Variants in CLSPN observed in about 807,000 individuals in gnomAD.
The protein encoded by CLSPN is claspin homolog.
A neutral mutation model predicts 156.3 loss-of-function variants in CLSPN; 85 were observed. The ratio of observed to expected loss-of-function variants is 0.54; its 90% CI spans 0.46 to 0.65. The LOEUF (loss-of-function observed/expected upper bound fraction) is 0.65, where lower values mean the gene tolerates loss of function less well. Among genes scored for constraint, CLSPN ranks in the 30% least tolerant of loss-of-function variants. CLSPN has a pLI of 0.00. For missense variants in CLSPN, 1,407 were observed against 1,554.9 expected (o/e 0.90, Z 1.60); for synonymous variants, 534 against 542.4 (o/e 0.98, Z 0.22).
chr1:35,748,864 C>T (rs562681808), intron 12 of CLSPN: 23 of 397,194 alleles, frequency 5.8e-5, no homozygotes, highest in South Asian at 4.2e-4. Context: ...CTCGCTCTGT[C>T]ACCCCAGCTG....
rs890757753 is a variant in CLSPN, at chr1:35,760,841, G to A, written c.1080C>T (p.His360=). The change falls in exon 8 of 25, where the codon CAC becomes CAT. Residue 360 remains histidine (H), a synonymous_variant. Coordinates refer to ENST00000318121, the MANE Select transcript of CLSPN (RefSeq NM_022111.4). ...TTGTCTGCTCAGAACCTTTACTATGGTGATCACTGTTCATTTCAGTAGTAT... is the reference window on the plus strand; with the variant it reads ...TTGTCTGCTCAGAACCTTTACTATGATGATCACTGTTCATTTCAGTAGTAT... ...TANTTEMNSD[H]HSKGSEQTTG... is the part of the protein sequence containing the mutation. The A allele has an allele frequency of 2.5e-6, 4 of 1,613,672 alleles. No individual in the cohort carries two copies. In the African/African-American group the frequency reaches 5.3e-5, roughly 22 times the overall value.
chr1:35,769,700 G>C, intron 1 of CLSPN, 147 bp downstream of exon 1: 1 of 671,420 alleles, frequency 1.5e-6, no homozygotes, highest in East Asian at 3.2e-5. Context: ...GCCGAGTCTC[G>C]AGGCCGCGGG....
intron 8 of CLSPN, among the ~76,000 whole-genome samples, chr1:35,754,423 C>A (rs750196064): frequency 2.2e-4 from 34 of 152,074 alleles, no homozygotes; most frequent in Non-Finnish European, 3.4e-4. Context: ...CAGCTCACTG[C>A]AACCTCCATC....
intron 8 of CLSPN, among the ~76,000 whole-genome samples, chr1:35,758,069 C>T (rs1642336275): frequency 6.6e-6 from 1 of 152,136 alleles, no homozygotes; most frequent in Non-Finnish European, 1.5e-5. Context: ...CAAAGTCAAC[C>T]CATTCAATTA....
At chr1:35,744,989 A>T (rs1401149572) in intron 16 of CLSPN, among the ~76,000 whole-genome samples, 1 of 151,778 alleles carries the variant, frequency 6.6e-6, no homozygotes, top group Admixed American at 6.6e-5. Context: ...AATTTTTTGT[A>T]TTTAGTAGAG....
In CLSPN at chr1:35,733,018, G is replaced by C. The variant is rs1208079440; in HGVS notation, c.*3478C>G. On this transcript the variant is annotated 3_prime_UTR_variant, in exon 25 of 25. Transcript: ENST00000318121. ...CTCACTCTGTCGCCCATGCTGGAGAGCAGTGGCGTGATCTCGGCTCACTGC... is the reference window on the plus strand; with the variant it reads ...CTCACTCTGTCGCCCATGCTGGAGACCAGTGGCGTGATCTCGGCTCACTGC... 2 of 917,720 alleles carry C rather than the reference G, an allele frequency of 2.2e-6. No individual in the cohort carries two copies. Among genetic ancestry groups the C allele is most frequent in the African/African-American group, 3.6e-5 (2 of 55,740 alleles). 56.8% of individuals were successfully genotyped at this position (917,720 alleles called of 1,614,324 possible). A position where few individuals can be genotyped will look rare whatever the true frequency, so the allele number is the denominator to read the frequency against.
At position 35,743,222 on chromosome 1, in the gene CLSPN, C is replaced by G. The variant is rs1420020957; in HGVS notation, c.3062G>C (p.Gly1021Ala). The stretch of plus-strand genomic sequence containing the variant: ...ATGGTCTTCCAGTGCCAGATCATTA[C>G]CAGAGTCACTGTGTTCATCCTACAA... ...DSDEDEHSDSGNDLALEDHED... is the reference protein window; with the variant it reads ...DSDEDEHSDSANDLALEDHED... The change falls in exon 18 of 25, where the codon GGT becomes GCT. Residue 1021 changes from glycine to alanine, a missense_variant. By Grantham distance (60) the Gly-to-Ala change is moderately conservative (BLOSUM62 0). Transcript: ENST00000318121. The G allele has an allele frequency of 6.2e-7, 1 of 1,613,600 alleles. No individual in the cohort carries two copies. The highest frequency in any genetic ancestry group is 1.3e-5 in the African/African-American group (1 of 75,024).
chr1:35,753,783 G>A lies in CLSPN; in HGVS notation c.1733C>T (p.Ala578Val). 1 of 1,614,202 alleles carries A rather than the reference G, an allele frequency of 6.2e-7. No homozygotes were observed. The highest frequency in any genetic ancestry group is 8.5e-7 in the Non-Finnish European group (1 of 1,180,042). ...LKADVVPVTL[A>V]PKKLDGASHT... ...GCTTGCTCCATCCAACTTCTTAGGT[G>A]CTAAAGTCACAGGTACCACATCTGC... Residue 578 changes from alanine to valine, a missense_variant, in exon 9 of 25, where the codon GCA becomes GTA. Transcript: ENST00000318121.
intron 16 of CLSPN, among the ~76,000 whole-genome samples, chr1:35,744,691 G>A (rs1641814319): frequency 6.6e-6 from 1 of 152,134 alleles, no homozygotes; most frequent in Non-Finnish European, 1.5e-5. Context: ...TTCATGTTTT[G>A]ACTACTTACT....
Position 35,760,384 on chromosome 1 carries a change from C to CA in CLSPN, c.1536dup (p.Asp513Ter). On this transcript the variant is annotated frameshift_variant, in exon 8 of 25. Coordinates refer to ENST00000318121, the MANE Select transcript of CLSPN (RefSeq NM_022111.4). LOFTEE classifies it high-confidence loss of function. ...TCAAGTATCACAAAGGAATCTTCATCAGCACCTAGCCGTGGTTTAATGGAA... is the reference window on the plus strand; with the variant it reads ...TCAAGTATCACAAAGGAATCTTCATCAAGCACCTAGCCGTGGTTTAATGGAA... 1.9e-6 allele frequency: 3 copies of CA among 1,614,070 alleles called. No individual in the cohort carries two copies. Among genetic ancestry groups the CA allele is most frequent in the Non-Finnish European group, 2.5e-6 (3 of 1,179,976 alleles).
chr1:35,736,004 G>C lies in CLSPN; in HGVS notation c.*492C>G. 1 of 901,514 alleles carries C rather than the reference G, an allele frequency of 1.1e-6. No individual in the cohort carries two copies. The allele number at this position is 901,514 out of a possible 1,614,324, so 55.8% of individuals were successfully genotyped here. Reference sequence around the variant, plus strand: ...GGGCCGAGGTGGATGGATCATTTGAGGTCAGGAGTTCAAGACCAGCCTGGC... The same window carrying C: ...GGGCCGAGGTGGATGGATCATTTGACGTCAGGAGTTCAAGACCAGCCTGGC... On this transcript the variant is annotated 3_prime_UTR_variant, in exon 25 of 25. Coordinates refer to ENST00000318121, the MANE Select transcript of CLSPN (RefSeq NM_022111.4).
Position 35,738,006 on chromosome 1 carries a change from G to A in CLSPN, c.3650C>T (p.Ala1217Val). 1.3e-6 allele frequency: 2 copies of A among 1,484,232 alleles called. No homozygotes were observed. Among genetic ancestry groups the A allele is most frequent in the Non-Finnish European group, 1.8e-6 (2 of 1,106,270 alleles). The allele number at this position is 1,484,232 out of a possible 1,614,324, so 91.9% of individuals were successfully genotyped here. ...CAAGAGCTCACCATTCTTCTGCAGT[G>A]CTTTGGCTGTAACTTTCTTGGCCAG... The part of the protein sequence containing the change: ...MILAKKVTAK[A>V]LQKNASRPMV... The change falls in exon 22 of 25, where the codon GCA becomes GTA. Residue 1217 changes from alanine to valine, a missense_variant. By Grantham distance (64) the Ala-to-Val change is moderately conservative. Around this residue, in one of 3 missense-constraint regions of CLSPN, gnomAD observed 241 missense variants for 240.5 expected, o/e 1.00. Coordinates refer to ENST00000318121, the MANE Select transcript of CLSPN (RefSeq NM_022111.4).
At chr1:35,755,102 G>A (rs182503471) in intron 8 of CLSPN, among the ~76,000 whole-genome samples, 1 of 152,044 alleles carries the variant, frequency 6.6e-6, no homozygotes, top group Admixed American at 6.6e-5. Flanking sequence ...ATGATAAAAT[G>A]GTTTATTTTT....
rs1237443641 is a variant in CLSPN at position 35,738,004 on chromosome 1, G to A, written c.3652C>T (p.Leu1218=). The change falls in exon 22 of 25, where the codon CTG becomes TTG. Residue 1218 remains leucine (L), a synonymous_variant. Transcript: ENST00000318121. ...ILAKKVTAKA[L]QKNASRPMVI... is the part of the protein sequence containing the mutation. Reference sequence around the variant, plus strand: ...AACAAGAGCTCACCATTCTTCTGCAGTGCTTTGGCTGTAACTTTCTTGGCC... The same window carrying A: ...AACAAGAGCTCACCATTCTTCTGCAATGCTTTGGCTGTAACTTTCTTGGCC... The A allele has an allele frequency of 1.3e-6, 2 of 1,482,584 alleles. No homozygotes were observed. The highest frequency in any genetic ancestry group is 1.9e-5 in the Admixed American group (1 of 51,362). 91.8% of individuals were successfully genotyped at this position (1,482,584 alleles called of 1,614,324 possible). A position where few individuals can be genotyped will look rare whatever the true frequency, so the allele number is the denominator to read the frequency against.
chr1:35,750,783 C>T (rs1642056853), intron 10 of CLSPN, among the ~76,000 whole-genome samples: 1 of 151,910 alleles, frequency 6.6e-6, no homozygotes, highest in South Asian at 2.1e-4. Flanking sequence ...GGCAAGAGGC[C>T]CTTCTACAAA....
chr1:35,739,631 CAT>C (rs1641623429), intron 18 of CLSPN, 102 bp from the exon 19 acceptor site: 2 of 781,876 alleles, frequency 2.6e-6, no homozygotes, highest in Non-Finnish European at 3.9e-6. Context: ...TAATAATAAA[CAT>C]AATACATTTG....
intron 2 of CLSPN, 90 bp from the exon 3 acceptor site, chr1:35,764,804 AT>A: frequency 1.3e-6 from 1 of 778,766 alleles, no homozygotes; most frequent in Non-Finnish European, 1.9e-6. Context: ...TATACAAGTG[AT>A]ATATAACATT....
Position 35,738,478 on chromosome 1 carries a change from G to A in CLSPN, c.3535C>T (p.Arg1179Ter), listed in dbSNP as rs774710103. Residue 1179 changes from arginine (R) to a stop codon, truncating the protein, a stop_gained, in exon 21 of 25, where the codon CGA becomes TGA. Coordinates refer to ENST00000318121, the MANE Select transcript of CLSPN (RefSeq NM_022111.4). LOFTEE classifies it high-confidence loss of function. ...EARWRKERIE[R>*]EQWLRDMAQQ... ...ACCATGTCCCGAAGCCACTGCTCTC[G>A]TTCAATTCGCTCCTTCCTCCACCTG... The A allele has an allele frequency of 3.7e-6, 6 of 1,613,810 alleles. No homozygotes were observed. Among genetic ancestry groups the A allele is most frequent in the South Asian group, 1.1e-5 (1 of 91,064 alleles).
chr1:35,759,130 G>A (rs1413115157), intron 8 of CLSPN, among the ~76,000 whole-genome samples: 1 of 152,160 alleles, frequency 6.6e-6, no homozygotes, highest in Non-Finnish European at 1.5e-5. Flanking sequence ...ATTCAATGTG[G>A]TAATACTTGA....
Sources: allele counts gnomAD v4.1 joint callset (sites outside exome capture counted in the v4.1 genomes callset), GRCh38; gene constraint gnomAD v4.1.1; regional missense constraint gnomAD v4.1.1; transcripts MANE v1.5; gene names NCBI Gene and HGNC (gene_info 2026-07-23, HGNC 2026-07-21).